The following MALRD1 variants were observed in gnomAD, a reference collection of about 807,000 sequenced individuals.
MALRD1 encodes MAM and LDL receptor class A domain containing 1.
Under a neutral mutation model 242.1 loss-of-function variants are expected in MALRD1, and 247 were observed. The ratio of observed to expected loss-of-function variants is 1.02; its 90% CI spans 0.92 to 1.13. The LOEUF (loss-of-function observed/expected upper bound fraction) is 1.13, where lower values mean the gene tolerates loss of function less well. MALRD1 is among the 50% of genes most tolerant of loss of function. The probability of loss-of-function intolerance (pLI) is 0.00; values close to 1 mark genes in which losing one functional copy is unlikely to be tolerated. For missense variants in MALRD1, 2,989 were observed against 2,533.1 expected, an observed-to-expected ratio of 1.18 and a Z score of -3.86; for synonymous variants, 995 against 866.6, an observed-to-expected ratio of 1.15 and a Z score of -2.60.
At chr10:19,447,160 C>T (rs1835042048) in intron 28 of MALRD1, among the ~76,000 whole-genome samples, 1 of 151,882 alleles carries the variant, frequency 6.6e-6, no homozygotes, top group East Asian at 1.9e-4. Flanking sequence ...ACTTTTTCTC[C>T]TGTATTAAAT....
chr10:19,491,481 A>G (rs1261356479), intron 29 of MALRD1, 36 bp from the exon 30 acceptor site: 2 of 1,543,176 alleles, frequency 1.3e-6, no homozygotes, highest in Middle Eastern at 1.7e-4. Context: ...GAAAATATTG[A>G]TGGAATACTG....
chr10:19,134,688 C>T (rs1381392670), intron 9 of MALRD1, among the ~76,000 whole-genome samples: 1 of 152,172 alleles, frequency 6.6e-6, no homozygotes, highest in Non-Finnish European at 1.5e-5. Context: ...ATTTAATTTT[C>T]ATAGGCTGAT....
chr10:19,637,943 A>G (rs903366904), intron 36 of MALRD1, among the ~76,000 whole-genome samples: 2 of 151,854 alleles, frequency 1.3e-5, no homozygotes, highest in Non-Finnish European at 2.9e-5. Flanking sequence ...TCTACTAAAA[A>G]TACAAAAATT....
chr10:19,168,787 G>A (rs1834802675), intron 13 of MALRD1, among the ~76,000 whole-genome samples: 1 of 152,076 alleles, frequency 6.6e-6, no homozygotes, highest in East Asian at 1.9e-4. Context: ...TGGTGGCTCA[G>A]CACCTTGTGT....
chr10:19,734,369 T>G lies in MALRD1; in HGVS notation c.*132T>G. The stretch of plus-strand genomic sequence containing the variant: ...GTAAATGCCAGTGTAATTATAACAT[T>G]TATGAATGAATTTTCTTGCAGAATA... On this transcript the variant is annotated 3_prime_UTR_variant, in exon 40 of 40. Transcript: ENST00000454679. 1.4e-6 allele frequency: 1 copy of G among 699,882 alleles called. No homozygotes were observed. Among genetic ancestry groups the G allele is most frequent in the Non-Finnish European group, 2.2e-6 (1 of 445,270 alleles). 43.4% of individuals were successfully genotyped at this position (699,882 alleles called of 1,614,324 possible).
rs1238241850 is a variant in MALRD1, at chr10:19,209,283, G to T, written c.2594G>T (p.Cys865Phe). 6.5e-7 allele frequency: 1 copy of T among 1,539,512 alleles called. No individual in the cohort carries two copies. ...TGAATTTCAGCACCTGAGCTGCAGTGTAACTTTGAAACTGGAATCTGTAAC... is the reference window on the plus strand; with the variant it reads ...TGAATTTCAGCACCTGAGCTGCAGTTTAACTTTGAAACTGGAATCTGTAAC... ...DEVNCAPELQ[C>F]NFETGICNWE... is the part of the protein sequence containing the mutation. The change falls in exon 18 of 40, where the codon TGT (cysteine) becomes TTT (phenylalanine). Residue 865 changes from cysteine to phenylalanine, a missense_variant. Cys to Phe is a radical substitution (Grantham distance 205). Transcript: ENST00000454679.
chr10:19,602,615 T>A (rs1247407786), intron 34 of MALRD1, among the ~76,000 whole-genome samples: 1 of 152,080 alleles, frequency 6.6e-6, no homozygotes, highest in Non-Finnish European at 1.5e-5. Flanking sequence ...TTTGGGTTGG[T>A]TCCAAGTCTT....
intron 31 of MALRD1, among the ~76,000 whole-genome samples, chr10:19,509,084 C>A (rs1833278540): frequency 6.6e-6 from 1 of 152,096 alleles, no homozygotes; most frequent in Admixed American, 6.5e-5. Context: ...AATCTATTAT[C>A]TTTATATTAC....
chr10:19,461,607 G>C (rs1478950029), intron 29 of MALRD1, among the ~76,000 whole-genome samples: 3 of 152,096 alleles, frequency 2.0e-5, no homozygotes, highest in South Asian at 2.1e-4. Flanking sequence ...TACACTGTGG[G>C]GGGAGGCTGA....
At chr10:19,598,821 A>G (rs973946766) in intron 34 of MALRD1, among the ~76,000 whole-genome samples, 1 of 152,142 alleles carries the variant, frequency 6.6e-6, no homozygotes, top group South Asian at 2.1e-4. Flanking sequence ...GACTGTTTAG[A>G]AAAAGCAGAC....
intron 4 of MALRD1, among the ~76,000 whole-genome samples, chr10:19,088,475 T>C (rs930460912): frequency 6.6e-6 from 1 of 151,028 alleles, no homozygotes; most frequent in Non-Finnish European, 1.5e-5. Flanking sequence ...TTCTCCTAAT[T>C]TCTTGAACCC....
At chr10:19,348,606 A>G (rs1220773307) in intron 25 of MALRD1, among the ~76,000 whole-genome samples, 2 of 152,276 alleles carry the variant, frequency 1.3e-5, no homozygotes, top group East Asian at 3.9e-4. Context: ...TGGAGATTTA[A>G]AAGTATAAAT....
At chr10:19,730,562 T>C (rs2131940306) in intron 38 of MALRD1, 144 bp from the exon 39 acceptor site, 1 of 883,880 alleles carries the variant, frequency 1.1e-6, no homozygotes, top group East Asian at 2.7e-5. Context: ...AAAAACAAAC[T>C]TTACTTATGG....
At chr10:19,690,315 A>G (rs950755794) in intron 36 of MALRD1, among the ~76,000 whole-genome samples, 2 of 152,108 alleles carry the variant, frequency 1.3e-5, no homozygotes, top group African/African-American at 4.8e-5. Flanking sequence ...GTTCTATAGC[A>G]TAACTGCTCT....
intron 4 of MALRD1, among the ~76,000 whole-genome samples, chr10:19,102,152 A>G (rs959108617): frequency 9.5e-5 from 14 of 147,192 alleles, no homozygotes; most frequent in African/African-American, 3.2e-4. Context: ...AACTATGTAT[A>G]TGATATAAAA....
At chr10:19,323,390 G>A (rs1842984105) in intron 21 of MALRD1, among the ~76,000 whole-genome samples, 1 of 151,990 alleles carries the variant, frequency 6.6e-6, no homozygotes, top group Non-Finnish European at 1.5e-5. Context: ...TATCAACCAA[G>A]TTATTACAGA....
At chr10:19,397,494 A>G (rs1247414390) in intron 28 of MALRD1, among the ~76,000 whole-genome samples, 5 of 152,042 alleles carry the variant, frequency 3.3e-5, no homozygotes, top group African/African-American at 1.2e-4. Flanking sequence ...TCATTTTTGG[A>G]CACTTAAGTT....
At chr10:19,172,198 T>G (rs202049416) in intron 13 of MALRD1, among the ~76,000 whole-genome samples, 2 of 97,964 alleles carry the variant, frequency 2.0e-5, no homozygotes, top group South Asian at 2.7e-4. Flanking sequence ...TATATACACA[T>G]ATATATATGT....
intron 7 of MALRD1, among the ~76,000 whole-genome samples, chr10:19,127,891 G>A (rs1228269138): frequency 6.6e-6 from 1 of 152,056 alleles, no homozygotes; most frequent in African/African-American, 2.4e-5. Flanking sequence ...GGATTGAATT[G>A]TGATATTTAA....
Sources: gnomAD v4.1 joint callset for allele counts (sites outside exome capture counted in the v4.1 genomes callset) on GRCh38, gnomAD v4.1.1 for gene constraint, MANE v1.5 for transcripts, NCBI Gene and HGNC (gene_info 2026-07-23, HGNC 2026-07-21) for gene names.